SPON1: variants seen among roughly 807,000 people sequenced by gnomAD.
The protein encoded by SPON1 is spondin 1, also known as spondin-1.
A neutral mutation model predicts 111.7 loss-of-function variants in SPON1; 52 were observed. The ratio of observed to expected loss-of-function variants is 0.47; its 90% CI spans 0.37 to 0.59. The LOEUF (loss-of-function observed/expected upper bound fraction) is 0.59, where lower values mean the gene tolerates loss of function less well. Among genes scored for constraint, SPON1 ranks in the 20% least tolerant of loss-of-function variants. The probability of loss-of-function intolerance (pLI) is 0.00; values close to 1 mark genes in which losing one functional copy is unlikely to be tolerated. For synonymous variants in SPON1, 410 were observed against 395.8 expected (o/e 1.04, Z -0.43); for missense variants, 957 against 1,068.5 (o/e 0.90, Z 1.46).
intron 2 of SPON1, among the ~76,000 whole-genome samples, chr11:14,018,708 G>A (rs1554914530): frequency 6.6e-6 from 1 of 152,134 alleles, no homozygotes; most frequent in African/African-American, 2.4e-5. Flanking sequence ...CTGACACATG[G>A]GCTACATTGT....
At chr11:14,155,189 C>CCATT (rs1284445918) in intron 6 of SPON1, among the ~76,000 whole-genome samples, 1 of 152,254 alleles carries the variant, frequency 6.6e-6, no homozygotes, top group East Asian at 1.9e-4. Flanking sequence ...CAACCTCTGC[C>CCATT]CATTACCCAG....
At position 14,266,552 on chromosome 11, in the gene SPON1, A is replaced by T. The variant is rs1303592622; in HGVS notation, c.*865A>T. 1.3e-5 allele frequency: 2 copies of T among 152,124 alleles called. No individual in the cohort carries two copies. Among genetic ancestry groups the T allele is most frequent in the Non-Finnish European group, 2.9e-5 (2 of 68,020 alleles). 9.4% of individuals were successfully genotyped at this position (152,124 alleles called of 1,614,324 possible). ...TCTCTTTAGAGACCAATTTGCCTAA[A>T]TTTTAAAATCTTCCTACACACATCT... On this transcript the variant is annotated 3_prime_UTR_variant, in exon 16 of 16. Transcript: ENST00000576479.
chr11:14,036,449 G>C (rs1196861583), intron 2 of SPON1, among the ~76,000 whole-genome samples: 1 of 152,140 alleles, frequency 6.6e-6, no homozygotes, highest in African/African-American at 2.4e-5. Context: ...GTGACCTCCA[G>C]GGTTTCCGAC....
intron 6 of SPON1, among the ~76,000 whole-genome samples, chr11:14,179,472 C>A (rs1428398730): frequency 6.6e-6 from 1 of 152,108 alleles, no homozygotes; most frequent in Non-Finnish European, 1.5e-5. Context: ...ATAAAATTTT[C>A]CAGCAAAGGC....
intron 3 of SPON1, among the ~76,000 whole-genome samples, chr11:14,052,002 C>G (rs782495113): frequency 1.3e-5 from 2 of 152,158 alleles, no homozygotes; most frequent in South Asian, 2.1e-4. Flanking sequence ...CTCCAAAGCC[C>G]TAATCACCAC....
At chr11:14,227,393 T>C (rs1215621407) in intron 6 of SPON1, among the ~76,000 whole-genome samples, 1 of 152,236 alleles carries the variant, frequency 6.6e-6, no homozygotes, top group Non-Finnish European at 1.5e-5. Flanking sequence ...TTTTCTATTT[T>C]AACCTTTCAC....
At chr11:14,235,070 C>G (rs1166243554) in intron 6 of SPON1, among the ~76,000 whole-genome samples, 1 of 152,196 alleles carries the variant, frequency 6.6e-6, no homozygotes, top group Non-Finnish European at 1.5e-5. Context: ...GTCCCTTCCC[C>G]TCCTCTACCT....
intron 6 of SPON1, among the ~76,000 whole-genome samples, chr11:14,236,501 A>G (rs1281220952): frequency 1.3e-5 from 2 of 152,186 alleles, no homozygotes; most frequent in Non-Finnish European, 2.9e-5. Flanking sequence ...AGTGGCTGAT[A>G]TGCAAGTCTA....
intron 5 of SPON1, among the ~76,000 whole-genome samples, chr11:14,097,788 T>C (rs1194631310): frequency 3.9e-5 from 6 of 152,036 alleles, no homozygotes; most frequent in Admixed American, 2.6e-4. Context: ...TCTAAAAAGA[T>C]AAATAAACAA....
rs1554928717 is a variant in SPON1, at chr11:14,141,028, C to CG, written c.825+5460_825+5461insG. Among the ~76,000 whole-genome samples the CG allele has an allele frequency of 3.1e-5, 4 of 127,594 alleles. 1 individual carries two copies. The highest frequency in any genetic ancestry group is 2.6e-4 in the South Asian group (1 of 3,820). 83.7% of individuals were successfully genotyped at this position (127,594 alleles called of 152,430 possible). On this transcript the variant is annotated intron_variant, in intron 6 of 15. Coordinates refer to ENST00000576479, the MANE Select transcript of SPON1 (RefSeq NM_006108.4). ...TCCACTGTATGCAGGCGTGCCCCCC[C>CG]CATGCCCCACTTCTCACTGGCTCAA...
intron 6 of SPON1, among the ~76,000 whole-genome samples, chr11:14,198,172 C>G (rs1848423356): frequency 6.6e-6 from 1 of 152,170 alleles, no homozygotes; most frequent in Non-Finnish European, 1.5e-5. Flanking sequence ...ACACATAGTC[C>G]TAATTGTCTT....
chr11:14,147,376 A>G (rs144892853), intron 6 of SPON1, among the ~76,000 whole-genome samples: 3,155 of 151,998 alleles, frequency 0.021, 47 homozygotes, highest in Middle Eastern at 0.034. Flanking sequence ...TTCCAAGCAC[A>G]TCACAAAACC....
intron 2 of SPON1, among the ~76,000 whole-genome samples, chr11:14,031,152 G>A (rs1386678783): frequency 6.6e-6 from 1 of 152,138 alleles, no homozygotes; most frequent in Admixed American, 6.5e-5. Flanking sequence ...CAAAACACTG[G>A]ATTCATATGG....
At chr11:14,020,110 G>T (rs1554914658) in intron 2 of SPON1, among the ~76,000 whole-genome samples, 3 of 152,186 alleles carry the variant, frequency 2.0e-5, no homozygotes, top group Admixed American at 6.5e-5. Flanking sequence ...GGAGGGAATG[G>T]CTGTTGGGCC....
At position 13,963,094 on chromosome 11, in the gene SPON1, C is replaced by G. The variant is rs367580081; in HGVS notation, c.190C>G (p.Arg64Gly). 2.6e-6 allele frequency: 4 copies of G among 1,551,124 alleles called. No individual in the cohort carries two copies. The South Asian group carries it at 3.6e-5, about 14-fold the overall frequency. ...RREGYTEFSLRVEGDPDFYKP... is the reference protein window; with the variant it reads ...RREGYTEFSLGVEGDPDFYKP... ...CGAGGGCTACACCGAGTTCAGCCTCCGCGTGGAGGGCGACCCCGACTTCTA... is the reference window on the plus strand; with the variant it reads ...CGAGGGCTACACCGAGTTCAGCCTCGGCGTGGAGGGCGACCCCGACTTCTA... The change falls in exon 1 of 16, where the codon CGC becomes GGC. Residue 64 changes from arginine to glycine, a missense_variant. Physicochemically the swap from Arg to Gly is moderately radical, Grantham distance 125. Around this residue, in one of 5 missense-constraint regions of SPON1, gnomAD observed 262 missense variants for 253.9 expected, o/e 1.03. Coordinates refer to ENST00000576479, the MANE Select transcript of SPON1 (RefSeq NM_006108.4).
chr11:14,257,840 C>G lies in SPON1; in HGVS notation c.1434C>G (p.Val478=), dbSNP rs782007435. 2 of 1,593,720 alleles carry G rather than the reference C, an allele frequency of 1.3e-6. No individual in the cohort carries two copies. Among genetic ancestry groups the G allele is most frequent in the Non-Finnish European group, 1.7e-6 (2 of 1,170,496 alleles). Residue 478 remains valine (V), a synonymous_variant, in exon 11 of 16, where the codon GTC becomes GTG. Coordinates refer to ENST00000576479, the MANE Select transcript of SPON1 (RefSeq NM_006108.4). ...RMLKAQLDLS[V]PCPDTQDFQP... The stretch of plus-strand genomic sequence containing the variant: ...TGAAAGCACAGCTGGACCTCAGCGT[C>G]CCCTGCCCTGACACCCAGGACTTCC...
chr11:14,227,069 G>A (rs1482475900), intron 6 of SPON1, among the ~76,000 whole-genome samples: 1 of 152,186 alleles, frequency 6.6e-6, no homozygotes, highest in African/African-American at 2.4e-5. Flanking sequence ...GGCCTTTGTG[G>A]ACATATAATG....
At chr11:13,970,676 G>A (rs1528655) in intron 1 of SPON1, among the ~76,000 whole-genome samples, 1 of 152,090 alleles carries the variant, frequency 6.6e-6, no homozygotes, top group Non-Finnish European at 1.5e-5. Flanking sequence ...AAGCTCATTC[G>A]CTCCCCAGGG....
chr11:14,231,833 G>A (rs949970274), intron 6 of SPON1, among the ~76,000 whole-genome samples: 3 of 151,042 alleles, frequency 2.0e-5, no homozygotes, highest in African/African-American at 4.9e-5. Flanking sequence ...AAGTATATAC[G>A]TGTGTGTGTG....
Sources: allele counts gnomAD v4.1 joint callset (sites outside exome capture counted in the v4.1 genomes callset), GRCh38; gene constraint gnomAD v4.1.1; regional missense constraint gnomAD v4.1.1; transcripts MANE v1.5; gene names NCBI Gene and HGNC (gene_info 2026-07-23, HGNC 2026-07-21).